LGR5: variants seen among roughly 807,000 people sequenced by gnomAD.
LGR5 encodes the protein leucine rich repeat containing G protein-coupled receptor 5, also known as leucine-rich repeat-containing G protein-coupled receptor 5.
A neutral mutation model predicts 76.7 loss-of-function variants in LGR5; 54 were observed. The observed-to-expected ratio is 0.70, with a 90% confidence interval of 0.57 to 0.88. LGR5 has a LOEUF of 0.88. Ranked by LOEUF, LGR5 falls within the 40% of genes least tolerant of loss-of-function variation. The probability of loss-of-function intolerance (pLI) is 0.00; values close to 1 mark genes in which losing one functional copy is unlikely to be tolerated. For missense variants in LGR5, 1,078 were observed against 1,073.3 expected (o/e 1.00, Z -0.06); for synonymous variants, 406 against 421.9 (o/e 0.96, Z 0.46).
intron 1 of LGR5, among the ~76,000 whole-genome samples, chr12:71,454,376 T>C (rs1261334476): frequency 6.6e-6 from 1 of 152,068 alleles, no homozygotes; most frequent in Non-Finnish European, 1.5e-5. Flanking sequence ...GCAGTACAGA[T>C]TGGAGAAGTA....
At chr12:71,464,333 G>A (rs865960452) in intron 1 of LGR5, among the ~76,000 whole-genome samples, 1 of 152,122 alleles carries the variant, frequency 6.6e-6, no homozygotes, top group East Asian at 1.9e-4. Context: ...GGGAGGGAGG[G>A]ATGAATCTTT....
intron 1 of LGR5, among the ~76,000 whole-genome samples, chr12:71,480,708 C>T (rs1379823387): frequency 6.6e-6 from 1 of 152,116 alleles, no homozygotes; most frequent in Non-Finnish European, 1.5e-5. Context: ...AAGCCTAATC[C>T]AGTGGATTAG....
rs755306512 is a variant in LGR5 at position 71,578,875 on chromosome 12, C to T, written c.1352C>T (p.Thr451Ile). The change falls in exon 15 of 18, where the codon ACA becomes ATA. Residue 451 changes from threonine to isoleucine, a missense_variant. Coordinates refer to ENST00000266674, the MANE Select transcript of LGR5 (RefSeq NM_003667.4). Reference protein sequence around the residue: ...GLHGLTHLKLTGNHALQSLIS... With the variant: ...GLHGLTHLKLIGNHALQSLIS... ...CATGGTTTAACTCACTTAAAATTAA[C>T]AGGAAATCATGCCTTACAGAGCTTG... 1.2e-6 allele frequency: 2 copies of T among 1,612,672 alleles called. No individual in the cohort carries two copies. The highest frequency in any genetic ancestry group is 2.2e-5 in the South Asian group (2 of 90,812).
chr12:71,527,984 T>C (rs539130651), intron 3 of LGR5, among the ~76,000 whole-genome samples: 6 of 152,218 alleles, frequency 3.9e-5, no homozygotes, highest in Non-Finnish European at 7.3e-5. Context: ...AAATCAGTAC[T>C]TTAATGTGTA....
At chr12:71,499,022 A>T (rs1874469400) in intron 1 of LGR5, among the ~76,000 whole-genome samples, 1 of 152,252 alleles carries the variant, frequency 6.6e-6, no homozygotes, top group African/African-American at 2.4e-5. Flanking sequence ...CCGTGAATTT[A>T]TAGTCACCGA....
intron 13 of LGR5, among the ~76,000 whole-genome samples, chr12:71,575,506 C>T (rs1028366920): frequency 1.7e-4 from 26 of 151,934 alleles, no homozygotes; most frequent in Admixed American, 4.6e-4. Flanking sequence ...GTCAGGAGTT[C>T]GAGATCAGTG....
chr12:71,500,357 C>A lies in LGR5; in HGVS notation c.213-4257C>A, dbSNP rs906389567. On this transcript the variant is annotated intron_variant, in intron 1 of 17. Coordinates refer to ENST00000266674, the MANE Select transcript of LGR5 (RefSeq NM_003667.4). The stretch of plus-strand genomic sequence containing the variant: ...ACAGTTGTTTTCAGCCCTGGCTGAA[C>A]ATTCGAGTCACCTGAAAAGCTTTTA... Among the ~76,000 whole-genome samples the A allele has an allele frequency of 2.6e-5, 4 of 152,230 alleles. No homozygotes were observed. In the East Asian group the frequency reaches 5.8e-4, roughly 22 times the overall value.
intron 1 of LGR5, among the ~76,000 whole-genome samples, chr12:71,474,196 A>T (rs748843100): frequency 1.3e-5 from 2 of 152,208 alleles, no homozygotes; most frequent in African/African-American, 2.4e-5. Context: ...GGACTTATCA[A>T]CTAATAACCC....
At chr12:71,542,713 G>GA (rs1429145875) in intron 4 of LGR5, among the ~76,000 whole-genome samples, 15 of 152,160 alleles carry the variant, frequency 9.9e-5, no homozygotes, top group African/African-American at 3.6e-4. Flanking sequence ...TGTGCTTACT[G>GA]AAGCCAGTCA....
rs181351725 is a variant in LGR5 at position 71,447,789 on chromosome 12, G to A, written c.212+7497G>A. Among the ~76,000 whole-genome samples, 57 of 152,328 alleles carry A rather than the reference G, an allele frequency of 3.7e-4. 1 individual carries two copies. The highest frequency in any genetic ancestry group is 1.3e-3 in the African/African-American group (52 of 41,572). On this transcript the variant is annotated intron_variant, in intron 1 of 17. Transcript: ENST00000266674. ...GCCGACCCTTTACAAGGGAGAGACTGTGGAACTGGCTGCTTGAAGGCACCT... is the reference window on the plus strand; with the variant it reads ...GCCGACCCTTTACAAGGGAGAGACTATGGAACTGGCTGCTTGAAGGCACCT...
At chr12:71,454,461 G>GA (rs1872379619) in intron 1 of LGR5, among the ~76,000 whole-genome samples, 1 of 152,108 alleles carries the variant, frequency 6.6e-6, no homozygotes, top group African/African-American at 2.4e-5. Context: ...AGCAAAAGTC[G>GA]AATAATTTCC....
rs1228340165 is a variant in LGR5 at position 71,573,051 on chromosome 12, A to G, written c.1208+130A>G. 5 of 636,850 alleles carry G rather than the reference A, an allele frequency of 7.9e-6. No homozygotes were observed. The African/African-American group carries it at 9.3e-5, about 12-fold the overall frequency. 39.4% of individuals were successfully genotyped at this position (636,850 alleles called of 1,614,324 possible). On this transcript the variant is annotated intron_variant, in intron 13 of 17. Coordinates refer to ENST00000266674, the MANE Select transcript of LGR5 (RefSeq NM_003667.4). ...TTTGTGCATATATTTGCTATGAAACATCAAGTATTTTGCTTCTGGTAATTT... is the reference window on the plus strand; with the variant it reads ...TTTGTGCATATATTTGCTATGAAACGTCAAGTATTTTGCTTCTGGTAATTT...
Position 71,440,068 on chromosome 12 carries a change from T to G in LGR5, c.-13T>G, listed in dbSNP as rs775117943. ...CGCCCGCGTCCGGCTCGTGGCCCCC[T>G]ACTTCGGGCACCATGGACACCTCCC... is the stretch of plus-strand genomic sequence containing the variant. On this transcript the variant is annotated 5_prime_UTR_variant, in exon 1 of 18. Coordinates refer to ENST00000266674, the MANE Select transcript of LGR5 (RefSeq NM_003667.4). The surrounding 1 kb of genome is among the most constrained non-coding windows in gnomAD (Gnocchi z 5.3). The G allele has an allele frequency of 2.5e-6, 4 of 1,599,220 alleles. No homozygotes were observed. The highest frequency in any genetic ancestry group is 3.4e-6 in the Non-Finnish European group (4 of 1,179,214).
At chr12:71,576,699 C>A (rs1878872174) in intron 13 of LGR5, among the ~76,000 whole-genome samples, 1 of 152,128 alleles carries the variant, frequency 6.6e-6, no homozygotes, top group Non-Finnish European at 1.5e-5. Flanking sequence ...TACTTAAACC[C>A]CAGCCAAATC....
intron 2 of LGR5, among the ~76,000 whole-genome samples, chr12:71,509,695 G>A (rs1248835004): frequency 6.6e-6 from 1 of 152,128 alleles, no homozygotes; most frequent in Non-Finnish European, 1.5e-5. Context: ...AATAAGGAGG[G>A]GGGAATGAAT....
In LGR5 at chr12:71,584,357, G is replaced by A. The variant is rs769382424; in HGVS notation, c.2347G>A (p.Ala783Thr). The A allele has an allele frequency of 6.2e-7, 1 of 1,614,182 alleles. No individual in the cohort carries two copies. The highest frequency in any genetic ancestry group is 2.2e-5 in the East Asian group (1 of 44,892). Residue 783 changes from alanine to threonine, a missense_variant, in exon 18 of 18, where the codon GCT (alanine) becomes ACT (threonine). Physicochemically the swap from Ala to Thr is moderately conservative, Grantham distance 58. Transcript: ENST00000266674. ...FTNCILNCPV[A>T]FLSFSSLINL... ...CAACTGCATCCTAAACTGCCCTGTG[G>A]CTTTCTTGTCCTTCTCCTCTTTAAT...
At chr12:71,487,327 C>A (rs1873871971) in intron 1 of LGR5, among the ~76,000 whole-genome samples, 1 of 152,144 alleles carries the variant, frequency 6.6e-6, no homozygotes, top group South Asian at 2.1e-4. Context: ...ATTCAATAAA[C>A]AAAAGTATTA....
chr12:71,450,997 C>G (rs575143277), intron 1 of LGR5, among the ~76,000 whole-genome samples: 1 of 152,180 alleles, frequency 6.6e-6, no homozygotes, highest in Non-Finnish European at 1.5e-5. Context: ...TGCCAATCCC[C>G]CCTCCCTAGC....
At chr12:71,576,280 A>G (rs552062150) in intron 13 of LGR5, among the ~76,000 whole-genome samples, 9 of 152,330 alleles carry the variant, frequency 5.9e-5, no homozygotes, top group Admixed American at 5.9e-4. Flanking sequence ...GTTCAAATGA[A>G]AAGACACTTA....
Sources: allele counts gnomAD v4.1 joint callset (sites outside exome capture counted in the v4.1 genomes callset), GRCh38; gene constraint gnomAD v4.1.1; non-coding constraint Gnocchi (gnomAD v3.1); transcripts MANE v1.5; gene names NCBI Gene and HGNC (gene_info 2026-07-23, HGNC 2026-07-21).